Variants in NBPF8 observed in about 807,000 individuals in gnomAD.
The protein encoded by NBPF8 is NBPF member 8.
chr1:120,436,046 G>T (rs1408044865), upstream of NBPF8, among the ~76,000 whole-genome samples: 447 of 152,160 alleles, frequency 2.9e-3, no homozygotes, highest in Middle Eastern at 0.014. Context: ...AAAGACACGG[G>T]TCTGTGGCAT....
upstream of NBPF8, among the ~76,000 whole-genome samples, chr1:120,416,106 A>G (rs2101363709): frequency 6.6e-6 from 1 of 152,246 alleles, no homozygotes; most frequent in East Asian, 1.9e-4. Flanking sequence ...GTTAAAGGAA[A>G]GATCTGCTGG....
In NBPF8 at chr1:120,466,323, G is replaced by C. The variant is rs1364849333; in HGVS notation, n.3914G>C. The C allele has an allele frequency of 4.0e-6, 6 of 1,507,948 alleles. No homozygotes were observed. The East Asian group carries it at 9.1e-5, about 23-fold the overall frequency. The allele number at this position is 1,507,948 out of a possible 1,614,324, so 93.4% of individuals were successfully genotyped here. A position where few individuals can be genotyped will look rare whatever the true frequency, so the allele number is the denominator to read the frequency against. On this transcript the variant is annotated non_coding_transcript_exon_variant, in exon 25 of 25. Transcript: ENST00000583271. ...AGTTCCATTTGGAAGCCCAGACATA[G>C]GATGGGTCAGTGGGCATGGCTCTAT...
chr1:120,451,642 C>T (rs1398688814), intron 12 of NBPF8, among the ~76,000 whole-genome samples: 32 of 144,624 alleles, frequency 2.2e-4, no homozygotes, highest in Middle Eastern at 3.5e-3. Context: ...TGACTGACTG[C>T]GGCTTCTCAT....
chr1:120,419,283 C>A (rs1416250694), upstream of NBPF8, among the ~76,000 whole-genome samples: 1 of 152,150 alleles, frequency 6.6e-6, no homozygotes, highest in Admixed American at 6.5e-5. Flanking sequence ...CATAACCTAG[C>A]GAAAGCTCAG....
intron 21 of NBPF8, 145 bp downstream of exon 19, chr1:120,463,111 T>C: frequency 2.9e-6 from 2 of 700,810 alleles, no homozygotes; most frequent in Non-Finnish European, 5.2e-6. Flanking sequence ...GTAATGAGAC[T>C]GTAGTCTCAG....
At chr1:120,416,691 G>C (rs1553245254), upstream of NBPF8, among the ~76,000 whole-genome samples, 1 of 145,194 alleles carries the variant, frequency 6.9e-6, no homozygotes, top group Non-Finnish European at 1.5e-5. Context: ...AACATTACTA[G>C]ACTGGGGTAT....
chr1:120,464,002 T>G (rs1661660778), intron 22 of NBPF8, among the ~76,000 whole-genome samples: 1 of 37,398 alleles, frequency 2.7e-5, no homozygotes, highest in Non-Finnish European at 4.8e-5. Context: ...TATGGAAAAT[T>G]ATTGAGCACA....
chr1:120,452,907 G>A (rs1290071338), intron 13 of NBPF8, among the ~76,000 whole-genome samples: 1 of 152,150 alleles, frequency 6.6e-6, no homozygotes, highest in Non-Finnish European at 1.5e-5. Flanking sequence ...GCTCCCCATG[G>A]ATAGAATGTC....
At chr1:120,419,456 C>A (rs1248303243), upstream of NBPF8, among the ~76,000 whole-genome samples, 1 of 151,918 alleles carries the variant, frequency 6.6e-6, no homozygotes, top group East Asian at 1.9e-4. Flanking sequence ...GTGAAAACTT[C>A]CCTGGCTACT....
At chr1:120,424,115 C>T (rs6671241) in intron 1 of NBPF8, among the ~76,000 whole-genome samples, 47,845 of 151,986 alleles carry the variant, frequency 0.31, 8,912 homozygotes, top group Middle Eastern at 0.43. Flanking sequence ...TCCCTGGTCC[C>T]CATGACTGGG....
chr1:120,465,736 C>T (rs1661724282), intron 24 of NBPF8, among the ~76,000 whole-genome samples: 1 of 151,340 alleles, frequency 6.6e-6, no homozygotes, highest in African/African-American at 2.4e-5. Flanking sequence ...TGTCAACTGG[C>T]CAATTCACTA....
At chr1:120,468,139 A>G (rs1661795902), downstream of NBPF8, among the ~76,000 whole-genome samples, 1 of 150,816 alleles carries the variant, frequency 6.6e-6, no homozygotes. Context: ...TACAACAGTC[A>G]ATTACATGAT....
chr1:120,462,259 G>A (rs1661612554), intron 20 of NBPF8, 62 bp downstream of exon 18: 2 of 703,150 alleles, frequency 2.8e-6, no homozygotes, highest in Non-Finnish European at 5.1e-6. Flanking sequence ...CCAGGTCCAG[G>A]GAAAGCAAGA....
rs1358187008 is a variant in NBPF8, at chr1:120,450,840, C to T, written n.1972-340C>T. Among the ~76,000 whole-genome samples the T allele has an allele frequency of 2.7e-3, 415 of 151,960 alleles. 1 individual carries two copies. The highest frequency in any genetic ancestry group is 3.4e-3 in the Middle Eastern group (1 of 292). ...GAAATCACTACTTCATGCCCCAGTG[C>T]AGTGTTTTAGAGGAGAGGCTGCAAG... On this transcript the variant is annotated intron_variant and non_coding_transcript_variant, in intron 11 of 24. Coordinates refer to ENST00000583271, the Ensembl canonical transcript of NBPF8.
chr1:120,419,228 T>A (rs1660506513), upstream of NBPF8, among the ~76,000 whole-genome samples: 4 of 152,308 alleles, frequency 2.6e-5, no homozygotes, highest in South Asian at 4.1e-4. Flanking sequence ...AAAGTAAACC[T>A]TTGTATGTGT....
chr1:120,426,973 G>T (rs1660745090), intron 2 of NBPF8, among the ~76,000 whole-genome samples: 2 of 139,238 alleles, frequency 1.4e-5, no homozygotes. Flanking sequence ...TGTCCTGTGG[G>T]TCTTTGCCTC....
chr1:120,452,263 A>C (rs1553249009), exon 13 of NBPF8: 13 of 1,335,198 alleles, frequency 9.7e-6, no homozygotes, highest in African/African-American at 4.8e-5. Flanking sequence ...TCCCAGGGGC[A>C]GGACCTCCAA....
At chr1:120,468,190 T>TAATA (rs1341045180), downstream of NBPF8, among the ~76,000 whole-genome samples, 1 of 150,650 alleles carries the variant, frequency 6.6e-6, no homozygotes, top group African/African-American at 2.4e-5. Flanking sequence ...CCACTTCTCA[T>TAATA]AATAGTATTT....
At chr1:120,422,735 A>G (rs1570925194) in intron 1 of NBPF8, among the ~76,000 whole-genome samples, 1 of 133,572 alleles carries the variant, frequency 7.5e-6, no homozygotes, top group East Asian at 1.9e-4. Context: ...TTCCAAAGTG[A>G]CTGTACACTT....
Sources: allele counts gnomAD v4.1 joint callset (sites outside exome capture counted in the v4.1 genomes callset), GRCh38; gene constraint gnomAD v4.1.1; transcripts MANE v1.5; gene names NCBI Gene and HGNC (gene_info 2026-07-23, HGNC 2026-07-21).